Variants in PCDHGA5 observed in about 807,000 individuals in gnomAD.
PCDHGA5 encodes protocadherin gamma subfamily A, 5.
In PCDHGA5, 36 loss-of-function variants were observed where a neutral mutation model predicts 56.7. The ratio of observed to expected loss-of-function variants is 0.64; its 90% CI spans 0.49 to 0.84. The LOEUF (loss-of-function observed/expected upper bound fraction) is 0.84. Ranked by LOEUF, PCDHGA5 falls within the 40% of genes least tolerant of loss-of-function variation. PCDHGA5 has a pLI of 0.00. For synonymous variants in PCDHGA5, 563 were observed against 520.2 expected (o/e 1.08, Z -1.12); for missense variants, 1,305 against 1,201.5 (o/e 1.09, Z -1.27).
intron 1 of PCDHGA5, among the ~76,000 whole-genome samples, chr5:141,444,503 T>C (rs2098438734): frequency 6.6e-6 from 1 of 152,088 alleles, no homozygotes; most frequent in Non-Finnish European, 1.5e-5. Flanking sequence ...AATACTTTGC[T>C]CTAGCAGTAT....
At chr5:141,369,308 G>A (rs1356330525) in intron 1 of PCDHGA5, among the ~76,000 whole-genome samples, 2 of 152,074 alleles carry the variant, frequency 1.3e-5, no homozygotes, top group African/African-American at 4.8e-5. Flanking sequence ...TCATTGTTAG[G>A]CTACTTGAGA....
At chr5:141,422,394 C>T (rs898242724) in intron 1 of PCDHGA5, 1 of 1,595,520 alleles carries the variant, frequency 6.3e-7, no homozygotes, top group Non-Finnish European at 8.5e-7. Context: ...TTATTCCTAA[C>T]CACCTGCCTT....
chr5:141,459,981 G>C (rs1023972964), intron 1 of PCDHGA5, among the ~76,000 whole-genome samples: 7 of 152,330 alleles, frequency 4.6e-5, no homozygotes, highest in Admixed American at 1.3e-4. Context: ...AGGAGGCTGA[G>C]ACAGGAGAAT....
In PCDHGA5 at chr5:141,366,358, C is replaced by G. The variant is rs746214325; in HGVS notation, c.2028C>G (p.Gly676=). ...DRIPDILADL[G]SIKTPIDPED... ...TCCCTGACATCCTGGCTGACCTAGGCAGTATCAAGACCCCCATTGACCCTG... is the reference window on the plus strand; with the variant it reads ...TCCCTGACATCCTGGCTGACCTAGGGAGTATCAAGACCCCCATTGACCCTG... Residue 676 remains glycine, a synonymous_variant, in exon 1 of 4, where the codon GGC becomes GGG. Coordinates refer to ENST00000518069, the MANE Select transcript of PCDHGA5 (RefSeq NM_018918.3). 8 of 1,614,016 alleles carry G rather than the reference C, an allele frequency of 5.0e-6. No individual in the cohort carries two copies. The highest frequency in any genetic ancestry group is 6.8e-6 in the Non-Finnish European group (8 of 1,180,048).
chr5:141,426,805 A>G (rs1222690899), intron 1 of PCDHGA5: 2 of 456,720 alleles, frequency 4.4e-6, no homozygotes, highest in African/African-American at 2.0e-5. Flanking sequence ...CTCAGTTCTA[A>G]TGAACATTTC....
intron 1 of PCDHGA5, chr5:141,372,712 A>C (rs781319922): frequency 1.2e-6 from 2 of 1,613,946 alleles, no homozygotes; most frequent in South Asian, 2.2e-5. Flanking sequence ...ATAAAGGCTG[A>C]AAATGCTGCA....
At chr5:141,376,675 C>CTTT in intron 1 of PCDHGA5, 7 of 345,068 alleles carry the variant, frequency 2.0e-5, no homozygotes, top group Admixed American at 4.8e-5. Context: ...GTGAGGGTAT[C>CTTT]GTTTTTTTTT....
chr5:141,367,537 A>AAAGTAAATAAAT (rs373624904), intron 1 of PCDHGA5: 1 of 147,434 alleles, frequency 6.8e-6, no homozygotes, highest in African/African-American at 2.5e-5. Flanking sequence ...ACTCCGTCTC[A>AAAGTAAATAAAT]AAATAAATAA....
chr5:141,486,673 A>G lies in PCDHGA5; in HGVS notation c.2422-8134A>G. On this transcript the variant is annotated intron_variant, in intron 1 of 3. Transcript: ENST00000518069. The surrounding 1 kb of genome is among the most constrained non-coding windows in gnomAD (Gnocchi z 5.0). ...ACTCACTCCTGGAGCCCAGGAATCG[A>G]GATGTATCAGCTTCCTCTTTCATCT... The G allele has an allele frequency of 6.2e-7, 1 of 1,614,014 alleles. No homozygotes were observed. The highest frequency in any genetic ancestry group is 2.2e-5 in the East Asian group (1 of 44,866).
Position 141,485,281 on chromosome 5 carries a change from A to G in PCDHGA5, c.2422-9526A>G. 4 of 1,614,156 alleles carry G rather than the reference A, an allele frequency of 2.5e-6. No individual in the cohort carries two copies. In the South Asian group the frequency reaches 3.3e-5, roughly 13 times the overall value. Reference sequence around the variant, plus strand: ...GTGGGCAGATCCGCTACCCGGTCCCAGAGGAGTCACAGGAAGGGACTTTTG... The same window carrying G: ...GTGGGCAGATCCGCTACCCGGTCCCGGAGGAGTCACAGGAAGGGACTTTTG... On this transcript the variant is annotated intron_variant, in intron 1 of 3. Coordinates refer to ENST00000518069, the MANE Select transcript of PCDHGA5 (RefSeq NM_018918.3). The surrounding 1 kb of genome is among the most constrained non-coding windows in gnomAD (Gnocchi z 5.7).
In PCDHGA5 at chr5:141,365,522, G is replaced by A. The variant is rs771198048; in HGVS notation, c.1192G>A (p.Val398Ile). The change falls in exon 1 of 4, where the codon GTT (valine) becomes ATT (isoleucine). Residue 398 changes from valine (V) to isoleucine (I), a missense_variant. Transcript: ENST00000518069. The part of the protein sequence containing the change: ...RNLPFKLEKS[V>I]DNYYHLLTTR... The stretch of plus-strand genomic sequence containing the variant: ...TTTGCCTTTTAAATTGGAGAAGTCA[G>A]TTGATAATTACTATCACCTATTAAC... The A allele has an allele frequency of 1.9e-6, 3 of 1,613,770 alleles. No individual in the cohort carries two copies. The highest frequency in any genetic ancestry group is 1.3e-5 in the African/African-American group (1 of 74,920).
chr5:141,476,446 G>A lies in PCDHGA5; in HGVS notation c.2422-18361G>A. On this transcript the variant is annotated intron_variant, in intron 1 of 3. Transcript: ENST00000518069. This position sits in a 1 kb window ranked among gnomAD's most constrained non-coding sequence, Gnocchi z 7.6. Reference sequence around the variant, plus strand: ...CCTCTTGCACTGTAACTCTGGAGTTGGTAGTGGAGAACCCGCTGGAGCTGT... The same window carrying A: ...CCTCTTGCACTGTAACTCTGGAGTTAGTAGTGGAGAACCCGCTGGAGCTGT... 6.2e-7 allele frequency: 1 copy of A among 1,614,144 alleles called. No homozygotes were observed. Among genetic ancestry groups the A allele is most frequent in the South Asian group, 1.1e-5 (1 of 91,072 alleles).
Position 141,366,052 on chromosome 5 carries a change from C to G in PCDHGA5, c.1722C>G (p.Gly574=). The change falls in exon 1 of 4, where the codon GGC becomes GGG. Residue 574 remains glycine (G), a synonymous_variant. Coordinates refer to ENST00000518069, the MANE Select transcript of PCDHGA5 (RefSeq NM_018918.3). Reference sequence around the variant, plus strand: ...CCCTCCCCACAGACGGTTCCACGGGCGTGGAGCTGGCGCCTCGCTCCGCAG... The same window carrying G: ...CCCTCCCCACAGACGGTTCCACGGGGGTGGAGCTGGCGCCTCGCTCCGCAG... ...YPALPTDGST[G]VELAPRSAEP... is the part of the protein sequence containing the mutation. 2.5e-6 allele frequency: 4 copies of G among 1,614,248 alleles called. No individual in the cohort carries two copies. Among genetic ancestry groups the G allele is most frequent in the Non-Finnish European group, 3.4e-6 (4 of 1,180,048 alleles).
At chr5:141,466,077 A>G (rs1220036084) in intron 1 of PCDHGA5, among the ~76,000 whole-genome samples, 2 of 152,108 alleles carry the variant, frequency 1.3e-5, no homozygotes, top group Non-Finnish European at 2.9e-5. Context: ...AGCTGATATC[A>G]TGCCACTGCA....
At chr5:141,497,013 A>G (rs2099773320) in intron 2 of PCDHGA5, among the ~76,000 whole-genome samples, 1 of 151,990 alleles carries the variant, frequency 6.6e-6, no homozygotes, top group Admixed American at 6.6e-5. Context: ...ACATGGTGAA[A>G]CCCCATCTCG....
At chr5:141,482,555 T>C (rs1419129474) in intron 1 of PCDHGA5, among the ~76,000 whole-genome samples, 1 of 116,392 alleles carries the variant, frequency 8.6e-6, no homozygotes, top group African/African-American at 3.8e-5. Context: ...AAAAAGATAA[T>C]GGAGATCTGC....
At chr5:141,501,334 C>CA (rs2099808390) in intron 2 of PCDHGA5, among the ~76,000 whole-genome samples, 1 of 145,376 alleles carries the variant, frequency 6.9e-6, no homozygotes, top group Non-Finnish European at 1.5e-5. Flanking sequence ...CACACACACA[C>CA]CCCAAACTCA....
At chr5:141,433,381 A>ATCTC (rs1561869478) in intron 1 of PCDHGA5, among the ~76,000 whole-genome samples, 1 of 151,148 alleles carries the variant, frequency 6.6e-6, no homozygotes, top group Admixed American at 6.6e-5. Flanking sequence ...CTATCTATCT[A>ATCTC]TCTATCTATC....
intron 3 of PCDHGA5, among the ~76,000 whole-genome samples, chr5:141,509,050 C>T (rs867585045): frequency 1.6e-4 from 25 of 152,304 alleles, no homozygotes; most frequent in Admixed American, 5.2e-4. Flanking sequence ...CCCCCGCCCC[C>T]AGAAAGCTCT....
Sources: gnomAD v4.1 joint callset for allele counts (sites outside exome capture counted in the v4.1 genomes callset) on GRCh38, gnomAD v4.1.1 for gene constraint, Gnocchi (gnomAD v3.1) non-coding constraint, MANE v1.5 for transcripts, NCBI Gene and HGNC (gene_info 2026-07-23, HGNC 2026-07-21) for gene names.